UNC13C: variants seen among roughly 807,000 people sequenced by gnomAD.
The protein encoded by UNC13C is protein unc-13 homolog C.
A neutral mutation model predicts 245.4 loss-of-function variants in UNC13C; 174 were observed. That is an observed-to-expected ratio of 0.71 (90% confidence interval 0.63 to 0.80). UNC13C has a LOEUF of 0.80. Ranked by LOEUF, UNC13C falls within the 30% of genes least tolerant of loss-of-function variation. UNC13C has a pLI of 0.00. For missense variants in UNC13C, 2,829 were observed against 2,602.9 expected, an observed-to-expected ratio of 1.09 and a Z score of -1.89; for synonymous variants, 992 against 895.1, an observed-to-expected ratio of 1.11 and a Z score of -1.93.
At chr15:54,490,455 G>T (rs935593847) in intron 19 of UNC13C, among the ~76,000 whole-genome samples, 28 of 152,100 alleles carry the variant, frequency 1.8e-4, no homozygotes, top group African/African-American at 6.8e-4. Context: ...AGTCCAGGAG[G>T]ATGAATTGGA....
At chr15:54,488,227 A>C (rs966038340) in intron 19 of UNC13C, among the ~76,000 whole-genome samples, 1 of 152,194 alleles carries the variant, frequency 6.6e-6, no homozygotes, top group Non-Finnish European at 1.5e-5. Context: ...AGTCTGTCAT[A>C]GTTTAGAACC....
chr15:54,229,886 C>T (rs1285402833), intron 4 of UNC13C, among the ~76,000 whole-genome samples: 1 of 152,054 alleles, frequency 6.6e-6, no homozygotes, highest in Non-Finnish European at 1.5e-5. Context: ...ATTTGTGTTT[C>T]TATGGATGGC....
intron 2 of UNC13C, among the ~76,000 whole-genome samples, chr15:54,132,321 C>T (rs34391629): frequency 0.37 from 55,833 of 151,928 alleles, 10,338 homozygotes; most frequent in Admixed American, 0.39. Context: ...CTGCCTGCCT[C>T]GGCCTCCCAA....
At chr15:54,153,673 T>C (rs2032622187) in intron 4 of UNC13C, among the ~76,000 whole-genome samples, 1 of 152,126 alleles carries the variant, frequency 6.6e-6, no homozygotes, top group South Asian at 2.1e-4. Flanking sequence ...AACATTACAT[T>C]ATGTATTGGT....
chr15:54,186,179 A>C (rs183104345), intron 4 of UNC13C, among the ~76,000 whole-genome samples: 31 of 152,186 alleles, frequency 2.0e-4, no homozygotes, highest in African/African-American at 7.5e-4. Context: ...GGCTGAGACA[A>C]TGGGGTTTTC....
intron 4 of UNC13C, among the ~76,000 whole-genome samples, chr15:54,144,502 A>G (rs1456390946): frequency 6.6e-6 from 1 of 152,156 alleles, no homozygotes; most frequent in Non-Finnish European, 1.5e-5. Context: ...TAATTTTACA[A>G]ATGAAGAAAC....
rs1452357848 is a variant in UNC13C at position 54,627,196 on chromosome 15, C to T, written c.*83C>T. ...CAAATACATGGGAATGTTTAGTTCA[C>T]TACATTTCAATGTTTGCCAGTACTC... On this transcript the variant is annotated 3_prime_UTR_variant, in exon 33 of 33. Coordinates refer to ENST00000260323, the MANE Select transcript of UNC13C (RefSeq NM_001080534.3). The T allele has an allele frequency of 2.2e-6, 3 of 1,362,486 alleles. No individual in the cohort carries two copies. Among genetic ancestry groups the T allele is most frequent in the African/African-American group, 2.9e-5 (2 of 69,180 alleles). The allele number at this position is 1,362,486 out of a possible 1,614,324, so 84.4% of individuals were successfully genotyped here.
At chr15:53,838,342 A>G in the UNC13C span, among the ~76,000 whole-genome samples, 40,838 of 151,960 alleles carry the variant, frequency 0.27, 6,501 homozygotes, top group Non-Finnish European at 0.35. Flanking sequence ...GCTTACTTGA[A>G]CCAGAACATT....
intron 4 of UNC13C, among the ~76,000 whole-genome samples, chr15:54,208,575 A>T (rs997067791): frequency 2.0e-5 from 3 of 152,230 alleles, no homozygotes; most frequent in Admixed American, 6.5e-5. Context: ...GAAATGATAG[A>T]TAATAAAATA....
chr15:54,464,975 T>A (rs1892089932), intron 19 of UNC13C, among the ~76,000 whole-genome samples: 1 of 152,004 alleles, frequency 6.6e-6, no homozygotes, highest in Non-Finnish European at 1.5e-5. Flanking sequence ...TGATTTGTTA[T>A]AACAAATACA....
chr15:54,196,207 A>C (rs2034347548), intron 4 of UNC13C, among the ~76,000 whole-genome samples: 2 of 152,150 alleles, frequency 1.3e-5, no homozygotes, highest in South Asian at 4.1e-4. Context: ...CAAGAAAATA[A>C]GGGAACTTTT....
intron 19 of UNC13C, among the ~76,000 whole-genome samples, chr15:54,493,276 A>C (rs529929303): frequency 4.6e-5 from 7 of 152,286 alleles, no homozygotes; most frequent in African/African-American, 1.7e-4. Context: ...GCAAAATATC[A>C]TCTTGACTAA....
At chr15:54,445,832 A>C (rs1020056752) in intron 19 of UNC13C, among the ~76,000 whole-genome samples, 1 of 152,110 alleles carries the variant, frequency 6.6e-6, no homozygotes, top group Non-Finnish European at 1.5e-5. Context: ...TTTTGTTGCC[A>C]TTGCTTTTGG....
At chr15:54,417,319 T>G (rs2140953945) in intron 19 of UNC13C, among the ~76,000 whole-genome samples, 1 of 152,298 alleles carries the variant, frequency 6.6e-6, no homozygotes, top group East Asian at 1.9e-4. Flanking sequence ...CGTCTTTTGC[T>G]GTGTGACCTT....
chr15:54,410,532 G>T (rs940711622), intron 18 of UNC13C, among the ~76,000 whole-genome samples: 1 of 151,884 alleles, frequency 6.6e-6, no homozygotes, highest in African/African-American at 2.4e-5. Flanking sequence ...ATCTTGAGTT[G>T]ATTTTTGTAT....
the UNC13C span, among the ~76,000 whole-genome samples, chr15:53,857,312 A>G: frequency 2.0e-5 from 3 of 152,098 alleles, no homozygotes; most frequent in South Asian, 2.1e-4. Context: ...TCATAACCCA[A>G]ATTTTTAGTA....
the UNC13C span, among the ~76,000 whole-genome samples, chr15:53,929,151 C>T: frequency 2.0e-5 from 3 of 152,284 alleles, no homozygotes; most frequent in East Asian, 3.9e-4. Flanking sequence ...GCACATCTTA[C>T]ATGGTGGCAG....
chr15:54,026,733 G>C (rs1896125200), intron 2 of UNC13C, among the ~76,000 whole-genome samples: 5 of 152,134 alleles, frequency 3.3e-5, no homozygotes, highest in Admixed American at 2.6e-4. Context: ...TTCCAAATCA[G>C]TGTCTTTGGT....
intron 20 of UNC13C, 24 bp downstream of exon 20, chr15:54,494,758 C>T: frequency 6.2e-7 from 1 of 1,603,078 alleles, no homozygotes; most frequent in Non-Finnish European, 8.5e-7. Context: ...TTAACACACA[C>T]ACCCTCAGAT....
Sources: gnomAD v4.1 joint callset for allele counts (sites outside exome capture counted in the v4.1 genomes callset) on GRCh38, gnomAD v4.1.1 for gene constraint, MANE v1.5 for transcripts, NCBI Gene and HGNC (gene_info 2026-07-23, HGNC 2026-07-21) for gene names.